AP5Z1: variants seen among roughly 807,000 people sequenced by gnomAD.
AP5Z1 encodes adaptor related protein complex 5 subunit zeta 1.
AP5Z1 carries 106 observed loss-of-function variants against 83.0 expected under a neutral mutation model. That is an observed-to-expected ratio of 1.28 (90% confidence interval 1.09 to 1.50). The LOEUF (loss-of-function observed/expected upper bound fraction) is 1.50, where lower values mean the gene tolerates loss of function less well. Among genes scored for constraint, AP5Z1 ranks in the 40% most tolerant of loss-of-function variants. AP5Z1 has a pLI of 0.00. For synonymous variants in AP5Z1, 751 were observed against 514.1 expected (o/e 1.46, Z -6.23); for missense variants, 1,565 against 1,094.2 (o/e 1.43, Z -6.07).
At position 4,791,145 on chromosome 7, in the gene AP5Z1, C is replaced by G. The variant is rs191945093; in HGVS notation, c.2184C>G (p.Thr728=). The G allele has an allele frequency of 5.0e-6, 8 of 1,607,778 alleles. No homozygotes were observed. The highest frequency in any genetic ancestry group is 1.7e-4 in the Middle Eastern group (1 of 6,048). ...RASLLLSKMR[T]LAHSPATSST... ...CTTTATTGCTGTCAAAGATGAGGACCCTGGCTCACAGTCCAGCCACCAGCT... is the reference window on the plus strand; with the variant it reads ...CTTTATTGCTGTCAAAGATGAGGACGCTGGCTCACAGTCCAGCCACCAGCT... Residue 728 remains threonine, a synonymous_variant, in exon 17 of 17, where the codon ACC becomes ACG. Coordinates refer to ENST00000649063, the MANE Select transcript of AP5Z1 (RefSeq NM_014855.3).
At position 4,787,769 on chromosome 7, in the gene AP5Z1, C is replaced by T. The variant is rs1781597963; in HGVS notation, c.1447C>T (p.Gln483Ter). ...CTGCTTGACGGCGGTGCTGGACCTG[C>T]AGCTCAGGTGGGCCCCTCACCCTCT... ...LPCLTAVLDL[Q>*]LRSAPAASER... is the part of the protein sequence containing the mutation. The change falls in exon 11 of 17, where the codon CAG (glutamine) becomes TAG (stop). Residue 483 changes from glutamine to a stop codon, truncating the protein, a stop_gained. Coordinates refer to ENST00000649063, the MANE Select transcript of AP5Z1 (RefSeq NM_014855.3). LOFTEE classifies it high-confidence loss of function. The T allele has an allele frequency of 1.3e-6, 2 of 1,536,048 alleles. No individual in the cohort carries two copies. The highest frequency in any genetic ancestry group is 1.7e-6 in the Non-Finnish European group (2 of 1,144,856).
In AP5Z1 at chr7:4,784,324, C is replaced by T. The variant is rs761542147; in HGVS notation, c.743C>T (p.Ala248Val). ...GTGCAGGCCTTCTCTATGCTGCGGG[C>T]GTGGCTGCTGCACAGCGGCCCCGAG... is the stretch of plus-strand genomic sequence containing the variant. ...LNVQAFSMLRAWLLHSGPEGP... is the reference protein window; with the variant it reads ...LNVQAFSMLRVWLLHSGPEGP... The change falls in exon 6 of 17, where the codon GCG becomes GTG. Residue 248 changes from alanine to valine, a missense_variant. Coordinates refer to ENST00000649063, the MANE Select transcript of AP5Z1 (RefSeq NM_014855.3). 7.1e-6 allele frequency: 11 copies of T among 1,548,304 alleles called. No individual in the cohort carries two copies. The highest frequency in any genetic ancestry group is 5.3e-5 in the Admixed American group (3 of 56,356).
At chr7:4,790,138 TG>T (rs1781709890) in intron 14 of AP5Z1, 6 of 1,459,210 alleles carry the variant, frequency 4.1e-6, no homozygotes, top group Non-Finnish European at 5.4e-6. Context: ...TCCTTCTTTC[TG>T]CCGAGCCTGT....
At chr7:4,788,318 G>T (rs760743853) in intron 12 of AP5Z1, 24 bp downstream of exon 12, 2 of 1,552,848 alleles carry the variant, frequency 1.3e-6, no homozygotes, top group Admixed American at 1.9e-5. Flanking sequence ...GGGCCAGGGG[G>T]CCACCAGTGG....
chr7:4,790,818 C>T lies in AP5Z1; in HGVS notation c.2084C>T (p.Pro695Leu). The change falls in exon 16 of 17, where the codon CCC becomes CTC. Residue 695 changes from proline to leucine, a missense_variant. By Grantham distance (98) the Pro-to-Leu change is moderately conservative. Coordinates refer to ENST00000649063, the MANE Select transcript of AP5Z1 (RefSeq NM_014855.3). ...RPSAALPRCP[P>L]QVVTVLMTTL... ...TCTGCTGCCCTGCCCAGGTGTCCCC[C>T]CCAGGTGGTCACCGTGCTGATGACC... 2 of 1,609,350 alleles carry T rather than the reference C, an allele frequency of 1.2e-6. No individual in the cohort carries two copies. Among genetic ancestry groups the T allele is most frequent in the Non-Finnish European group, 1.7e-6 (2 of 1,178,920 alleles).
intron 10 of AP5Z1, 28 bp downstream of exon 10, chr7:4,786,456 G>A (rs1781548021): frequency 6.2e-7 from 1 of 1,609,296 alleles, no homozygotes. Flanking sequence ...TGGGTGCCAG[G>A]GCAGGGGCAT....
rs754345952 is a variant in AP5Z1, at chr7:4,788,192, CCT to C, written c.1499_1500del (p.Leu500GlnfsTer31). On this transcript the variant is annotated frameshift_variant, in exon 12 of 17. Transcript: ENST00000649063. LOFTEE classifies it high-confidence loss of function. ...GCATCCGAGAGGCCACTCTGGGACA[CCT>C]CTCTCAGGGCCCCCAGCTGCCTGGA... 17 of 1,560,362 alleles carry C rather than the reference CCT, an allele frequency of 1.1e-5. No individual in the cohort carries two copies. The highest frequency in any genetic ancestry group is 1.9e-5 in the Admixed American group (1 of 52,498).
Position 4,791,298 on chromosome 7 carries a change from T to C in AP5Z1, c.2337T>C (p.Tyr779=), listed in dbSNP as rs775552278. The change falls in exon 17 of 17, where the codon TAT becomes TAC. Residue 779 remains tyrosine (Y), a synonymous_variant. Transcript: ENST00000649063. ...TPSTEVCSPR[Y]HRDANTALPL... ...GCACGGAGGTGTGCAGCCCCCGCTA[T>C]CACCGCGATGCCAACACGGCCCTGC... The C allele has an allele frequency of 1.2e-6, 2 of 1,612,442 alleles. No homozygotes were observed. Among genetic ancestry groups the C allele is most frequent in the South Asian group, 2.2e-5 (2 of 91,028 alleles).
intron 11 of AP5Z1, 74 bp from the exon 12 acceptor site, chr7:4,788,080 G>A: frequency 3.4e-6 from 5 of 1,452,818 alleles, no homozygotes; most frequent in Middle Eastern, 2.5e-4. Context: ...CACCTGCCGT[G>A]TGTCTCCCTG....
Position 4,789,865 on chromosome 7 carries a change from C to A in AP5Z1, c.1741C>A (p.Leu581Met). The change falls in exon 14 of 17, where the codon CTG (leucine) becomes ATG (methionine). Residue 581 changes from leucine (L) to methionine (M), a missense_variant. By Grantham distance (15) the Leu-to-Met change is conservative. Coordinates refer to ENST00000649063, the MANE Select transcript of AP5Z1 (RefSeq NM_014855.3). ...ADGSLINQLALLLLGRSDSLY... is the reference protein window; with the variant it reads ...ADGSLINQLAMLLLGRSDSLY... ...CGGGTCCCTGATCAACCAGCTGGCG[C>A]TGCTGCTCCTGGGCAGGAGCGACTC... The A allele has an allele frequency of 6.4e-7, 1 of 1,553,028 alleles. No homozygotes were observed. Among genetic ancestry groups the A allele is most frequent in the Non-Finnish European group, 8.7e-7 (1 of 1,148,504 alleles).
rs1292985397 is a variant in AP5Z1, at chr7:4,784,519, C to G, written c.790+148C>G. The G allele has an allele frequency of 4.8e-6, 5 of 1,039,770 alleles. No individual in the cohort carries two copies. The South Asian group carries it at 5.1e-5, about 11-fold the overall frequency. 64.4% of individuals were successfully genotyped at this position (1,039,770 alleles called of 1,614,324 possible). On this transcript the variant is annotated intron_variant, in intron 6 of 16. Transcript: ENST00000649063. ...GGACTGAGCAACGCAGCCTGCTGACCTGGAGCTAGGCGGAGAGCACTCCCT... is the reference window on the plus strand; with the variant it reads ...GGACTGAGCAACGCAGCCTGCTGACGTGGAGCTAGGCGGAGAGCACTCCCT...
chr7:4,788,097 G>GAA, intron 11 of AP5Z1, 57 bp from the exon 12 acceptor site: 7 of 1,463,352 alleles, frequency 4.8e-6, no homozygotes, highest in Non-Finnish European at 3.6e-6. Context: ...CCTGACGGGG[G>GAA]TGCCCTTGAG....
chr7:4,791,175 G>C lies in AP5Z1; in HGVS notation c.2214G>C (p.Thr738=). ...CTCACAGTCCAGCCACCAGCTCCACGCACAGCGAGGAGGGCGCGGAAGCCA... is the reference window on the plus strand; with the variant it reads ...CTCACAGTCCAGCCACCAGCTCCACCCACAGCGAGGAGGGCGCGGAAGCCA... ...TLAHSPATSS[T]HSEEGAEAIR... Residue 738 remains threonine (T), a synonymous_variant, in exon 17 of 17, where the codon ACG becomes ACC. Transcript: ENST00000649063. The C allele has an allele frequency of 6.3e-7, 1 of 1,586,900 alleles. No homozygotes were observed. Among genetic ancestry groups the C allele is most frequent in the Middle Eastern group, 1.7e-4 (1 of 5,998 alleles).
chr7:4,783,736 G>T lies in AP5Z1; in HGVS notation c.559G>T (p.Ala187Ser), dbSNP rs1000029991. Residue 187 changes from alanine to serine, a missense_variant, in exon 5 of 17, where the codon GCC (alanine) becomes TCC (serine). Ala to Ser is a moderately conservative substitution (Grantham distance 99). Coordinates refer to ENST00000649063, the MANE Select transcript of AP5Z1 (RefSeq NM_014855.3). ...GCGGCTGGTCGACTGGCTGCGCTAC[G>T]CCAGCCTCCAGCAAGGGCTCCCACA... ...SKRLVDWLRY[A>S]SLQQGLPHSG... 7.1e-6 allele frequency: 11 copies of T among 1,550,478 alleles called. No homozygotes were observed. The highest frequency in any genetic ancestry group is 8.7e-6 in the Non-Finnish European group (10 of 1,147,122).
At chr7:4,783,083 C>T (rs1173510672) in intron 3 of AP5Z1, among the ~76,000 whole-genome samples, 1 of 152,224 alleles carries the variant, frequency 6.6e-6, no homozygotes, top group East Asian at 1.9e-4. Context: ...CAGCCGTGCC[C>T]TCACCCAGGC....
In AP5Z1 at chr7:4,787,664, T is replaced by A. The variant is rs1428661603; in HGVS notation, c.1342T>A (p.Ser448Thr). 1 of 1,552,690 alleles carries A rather than the reference T, an allele frequency of 6.4e-7. No homozygotes were observed. The highest frequency in any genetic ancestry group is 2.4e-5 in the East Asian group (1 of 41,174). ...FLAWNSPPLT[S>T]EFVALLPALV... The stretch of plus-strand genomic sequence containing the variant: ...GGCCTGGAACAGCCCACCCCTCACC[T>A]CCGAGTTTGTGGCGCTCCTCCCGGC... The change falls in exon 11 of 17, where the codon TCC (serine) becomes ACC (threonine). Residue 448 changes from serine to threonine, a missense_variant. Transcript: ENST00000649063.
rs1373231007 is a variant in AP5Z1, at chr7:4,783,451, C to G, written c.502C>G (p.Leu168Val). The change falls in exon 4 of 17, where the codon CTC becomes GTC. Residue 168 changes from leucine (L) to valine (V), a missense_variant. Coordinates refer to ENST00000649063, the MANE Select transcript of AP5Z1 (RefSeq NM_014855.3). ...AKVVVLSPGT[L>V]QEDQATLLSK... ...GGTCGTGGTCCTCAGCCCGGGCACCCTCCAGGAGGGTACGCGGGGCCCCTC... is the reference window on the plus strand; with the variant it reads ...GGTCGTGGTCCTCAGCCCGGGCACCGTCCAGGAGGGTACGCGGGGCCCCTC... 2.5e-6 allele frequency: 4 copies of G among 1,612,316 alleles called. No individual in the cohort carries two copies. The highest frequency in any genetic ancestry group is 3.4e-6 in the Non-Finnish European group (4 of 1,179,512).
chr7:4,791,199 C>A lies in AP5Z1; in HGVS notation c.2238C>A (p.Ala746=), dbSNP rs769593328. 1.2e-6 allele frequency: 2 copies of A among 1,612,608 alleles called. No individual in the cohort carries two copies. Among genetic ancestry groups the A allele is most frequent in the Non-Finnish European group, 1.7e-6 (2 of 1,179,814 alleles). ...CGCACAGCGAGGAGGGCGCGGAAGC[C>A]ATCCGTACCCGGGCCACAGAGCTGC... The part of the protein sequence containing the change: ...SSTHSEEGAE[A]IRTRATELLT... The change falls in exon 17 of 17, where the codon GCC becomes GCA. Residue 746 remains alanine, a synonymous_variant. Transcript: ENST00000649063.
chr7:4,785,684 G>T lies in AP5Z1; in HGVS notation c.1132G>T (p.Gly378Trp), dbSNP rs777093701. The T allele has an allele frequency of 5.2e-6, 8 of 1,526,966 alleles. No homozygotes were observed. Among genetic ancestry groups the T allele is most frequent in the African/African-American group, 1.4e-5 (1 of 73,608 alleles). 94.6% of individuals were successfully genotyped at this position (1,526,966 alleles called of 1,614,324 possible). ...CCTCGCCCACTTCTTCCTGAGCCACGGTGAGCCCAGGGTGGGGTGGCGCTG... is the reference window on the plus strand; with the variant it reads ...CCTCGCCCACTTCTTCCTGAGCCACTGTGAGCCCAGGGTGGGGTGGCGCTG... ...LPLAHFFLSH[G>W]EAAAVDSEAV... Residue 378 changes from glycine to tryptophan, a missense_variant and splice_region_variant, in exon 9 of 17, where the codon GGG (glycine) becomes TGG (tryptophan). Physicochemically the swap from Gly to Trp is radical, Grantham distance 184. Transcript: ENST00000649063.
Sources: gnomAD v4.1 joint callset for allele counts (sites outside exome capture counted in the v4.1 genomes callset) on GRCh38, gnomAD v4.1.1 for gene constraint, MANE v1.5 for transcripts, NCBI Gene and HGNC (gene_info 2026-07-23, HGNC 2026-07-21) for gene names.